The following PRKX variants were observed in gnomAD, a reference collection of about 807,000 sequenced individuals.
PRKX encodes the protein protein kinase cAMP-dependent X-linked catalytic subunit.
In PRKX, 12 loss-of-function variants were observed where a neutral mutation model predicts 22.0. The ratio of observed to expected loss-of-function variants is 0.54; its 90% CI spans 0.35 to 0.88. PRKX has a LOEUF of 0.88. Among genes scored for constraint, PRKX ranks in the 40% least tolerant of loss-of-function variants. The pLI, the probability that PRKX is intolerant of heterozygous loss-of-function variation, is 0.01. For synonymous variants in PRKX, 134 were observed against 137.7 expected (o/e 0.97, Z 0.19); for missense variants, 217 against 308.0 (o/e 0.70, Z 2.21).
intron 1 of PRKX, among the ~76,000 whole-genome samples, chrX:3,689,821 C>CA (rs748039805): frequency 1.5e-4 from 17 of 111,327 alleles, no homozygotes; most frequent in Middle Eastern, 4.6e-3. Context: ...ACTAAAAATA[C>CA]AAAAAATTAG....
chrX:3,711,025 A>G (rs1253749907), intron 1 of PRKX, among the ~76,000 whole-genome samples: 2 of 111,648 alleles, frequency 1.8e-5, no homozygotes, highest in East Asian at 5.6e-4. Context: ...ATTTTATAAA[A>G]TGTATTATTT....
chrX:3,609,636 G>A (rs1926253727), intron 8 of PRKX, among the ~76,000 whole-genome samples: 2 of 105,466 alleles, frequency 1.9e-5, no homozygotes, highest in Non-Finnish European at 4.0e-5. Context: ...TTTATTTTTT[G>A]TAGAGATGGG....
At chrX:3,629,512 C>G (rs1183627002) in intron 4 of PRKX, among the ~76,000 whole-genome samples, 4 of 109,934 alleles carry the variant, frequency 3.6e-5, no homozygotes, top group Non-Finnish European at 7.6e-5. Flanking sequence ...CCCACTTCAG[C>G]CTTCCAAAGT....
At chrX:3,660,956 C>T (rs936992012) in intron 2 of PRKX, among the ~76,000 whole-genome samples, 19 of 109,688 alleles carry the variant, frequency 1.7e-4, no homozygotes, top group African/African-American at 6.3e-4. Flanking sequence ...GAAAAAGTTA[C>T]TGCACGAGTG....
At chrX:3,688,794 G>A (rs546493462) in intron 1 of PRKX, among the ~76,000 whole-genome samples, 7 of 108,801 alleles carry the variant, frequency 6.4e-5, no homozygotes, top group South Asian at 8.2e-4. Flanking sequence ...GCTTGAGCCC[G>A]GGAGTTGGAG....
At chrX:3,672,470 A>AT (rs113581176) in intron 2 of PRKX, among the ~76,000 whole-genome samples, 2,846 of 110,865 alleles carry the variant, frequency 0.026, 93 homozygotes, top group African/African-American at 0.089. Context: ...GCTCCTCCCT[A>AT]TTTTTTAACT....
At chrX:3,686,438 T>C (rs1352379029) in intron 1 of PRKX, among the ~76,000 whole-genome samples, 3 of 108,199 alleles carry the variant, frequency 2.8e-5, no homozygotes, top group Non-Finnish European at 5.7e-5. Context: ...GGTCTCACTC[T>C]GTTGCCCAGG....
At chrX:3,702,642 G>C (rs1189298700) in intron 1 of PRKX, among the ~76,000 whole-genome samples, 1 of 103,370 alleles carries the variant, frequency 9.7e-6, no homozygotes, top group Non-Finnish European at 2.0e-5. Flanking sequence ...ACAGGTACGA[G>C]GGCATGGAGG....
chrX:3,609,346 A>C (rs1926246729), intron 8 of PRKX, among the ~76,000 whole-genome samples: 1 of 111,454 alleles, frequency 9.0e-6, no homozygotes, highest in Non-Finnish European at 1.9e-5. Context: ...TTTTTGGTAG[A>C]GATGGGATTT....
intron 4 of PRKX, among the ~76,000 whole-genome samples, chrX:3,634,691 A>G (rs987393332): frequency 9.0e-6 from 1 of 110,929 alleles, no homozygotes; most frequent in Non-Finnish European, 1.9e-5. Flanking sequence ...ACCTCCTCAC[A>G]AATGTTTTCT....
intron 1 of PRKX, among the ~76,000 whole-genome samples, chrX:3,695,693 T>C (rs763919697): frequency 2.7e-5 from 3 of 111,997 alleles, no homozygotes; most frequent in South Asian, 7.6e-4. Flanking sequence ...ACAGCGCACA[T>C]GACCCCCTTT....
At chrX:3,633,408 T>A (rs1360888610) in intron 4 of PRKX, among the ~76,000 whole-genome samples, 2 of 108,339 alleles carry the variant, frequency 1.8e-5, no homozygotes, top group Non-Finnish European at 3.8e-5. Context: ...AAAAAAATTT[T>A]AAAAAATTAG....
chrX:3,688,229 T>G (rs1928218433), intron 1 of PRKX, among the ~76,000 whole-genome samples: 1 of 107,482 alleles, frequency 9.3e-6, no homozygotes, highest in Non-Finnish European at 1.9e-5. Context: ...GTGGATGATC[T>G]GAGGCCAAGA....
chrX:3,689,211 AT>A (rs1928246151), intron 1 of PRKX, among the ~76,000 whole-genome samples: 1 of 112,457 alleles, frequency 8.9e-6, no homozygotes, highest in African/African-American at 3.2e-5. Flanking sequence ...TTTCCTTGAC[AT>A]TTTCCCCCCT....
At chrX:3,668,641 T>C (rs1349392809) in intron 2 of PRKX, among the ~76,000 whole-genome samples, 1 of 110,842 alleles carries the variant, frequency 9.0e-6, no homozygotes, top group East Asian at 2.8e-4. Flanking sequence ...TGGCCCGGAG[T>C]GGAGAGACCT....
chrX:3,649,126 C>T (rs949498239), intron 3 of PRKX, among the ~76,000 whole-genome samples: 13 of 111,226 alleles, frequency 1.2e-4, no homozygotes, highest in African/African-American at 3.6e-4. Context: ...AGGCTCACAG[C>T]GCAAAGGAAA....
chrX:3,671,886 G>T (rs1451938879), intron 2 of PRKX, among the ~76,000 whole-genome samples: 1 of 111,322 alleles, frequency 9.0e-6, no homozygotes, highest in African/African-American at 3.3e-5. Flanking sequence ...ATGTCAGGAG[G>T]CCAAGGCAAG....
chrX:3,616,259 C>T (rs1486404088), intron 6 of PRKX, among the ~76,000 whole-genome samples: 2 of 111,542 alleles, frequency 1.8e-5, no homozygotes, highest in Non-Finnish European at 1.9e-5. Context: ...CAGTATTTTA[C>T]AGACATAGAA....
chrX:3,610,784 G>A lies in PRKX; in HGVS notation c.*23+1393C>T, dbSNP rs190724106. Among the ~76,000 whole-genome samples, 4 of 110,937 alleles carry A rather than the reference G, an allele frequency of 3.6e-5. No homozygotes were observed. In the East Asian group the frequency reaches 1.1e-3, roughly 31 times the overall value. On this transcript the variant is annotated intron_variant, in intron 8 of 8. Transcript: ENST00000262848. ...ATTAGAGAAAGGTTCTATTTTTGTG[G>A]CTTATCAACTAGGGGTCCTTCATAC... is the stretch of plus-strand genomic sequence containing the variant.
Sources: allele counts gnomAD v4.1 joint callset (sites outside exome capture counted in the v4.1 genomes callset), GRCh38; gene constraint gnomAD v4.1.1; transcripts MANE v1.5; gene names NCBI Gene and HGNC (gene_info 2026-07-23, HGNC 2026-07-21).